Variants in MTO1 observed in about 807,000 individuals in gnomAD.
MTO1 encodes the protein mitochondrial tRNA translation optimization 1.
MTO1 carries 46 observed loss-of-function variants against 71.6 expected under a neutral mutation model. That is an observed-to-expected ratio of 0.64 (90% confidence interval 0.51 to 0.82). MTO1 has a LOEUF of 0.82. MTO1 is among the 40% of genes least tolerant of loss of function. MTO1 has a pLI of 0.00. For missense variants in MTO1, 773 were observed against 867.5 expected (o/e 0.89, Z 1.37); for synonymous variants, 297 against 312.1 (o/e 0.95, Z 0.51).
chr6:73,467,914 G>A (rs1250864083), intron 3 of MTO1, among the ~76,000 whole-genome samples: 4 of 151,960 alleles, frequency 2.6e-5, no homozygotes, highest in Non-Finnish European at 4.4e-5. Context: ...TGAGCCTCCC[G>A]GGTTCAAGCG....
rs780242649 is a variant in MTO1, at chr6:73,461,936, G to A, written c.82G>A (p.Asp28Asn). Residue 28 changes from aspartate to asparagine, a missense_variant, in exon 1 of 12, where the codon GAC (aspartate) becomes AAC (asparagine). Coordinates refer to ENST00000498286, the MANE Select transcript of MTO1 (RefSeq NM_012123.4). ...QQFPLARLSS[D>N]SAAPRTPHFD... ...ATTTCCGTTGGCACGGTTGAGCAGTGACAGCGCGGCGCCCCGGACTCCGCA... is the reference window on the plus strand; with the variant it reads ...ATTTCCGTTGGCACGGTTGAGCAGTAACAGCGCGGCGCCCCGGACTCCGCA... The A allele has an allele frequency of 2.5e-6, 4 of 1,614,144 alleles. No individual in the cohort carries two copies. The highest frequency in any genetic ancestry group is 2.7e-5 in the African/African-American group (2 of 74,958).
Position 73,503,555 on chromosome 6 carries a change from T to C in MTO1, c.*2820T>C, listed in dbSNP as rs906094705. ...GCCCTAGGAAGAAATCAGCTAAAAA[T>C]GTAACCTTACTCAATGTAGTTACTT... On this transcript the variant is annotated 3_prime_UTR_variant, in exon 12 of 12. Coordinates refer to ENST00000498286, the MANE Select transcript of MTO1 (RefSeq NM_012123.4). 2.0e-5 allele frequency: 3 copies of C among 152,248 alleles called. No homozygotes were observed. Among genetic ancestry groups the C allele is most frequent in the African/African-American group, 7.2e-5 (3 of 41,472 alleles). The allele number at this position is 152,248 out of a possible 1,614,324, so 9.4% of individuals were successfully genotyped here.
chr6:73,471,279 T>G (rs1032309104), intron 3 of MTO1, among the ~76,000 whole-genome samples: 4 of 151,922 alleles, frequency 2.6e-5, no homozygotes, highest in Admixed American at 6.6e-5. Flanking sequence ...TAATATAATA[T>G]GCTCACTGAC....
intron 4 of MTO1, among the ~76,000 whole-genome samples, chr6:73,477,431 T>C (rs1390830220): frequency 6.8e-6 from 1 of 146,532 alleles, no homozygotes; most frequent in Non-Finnish European, 1.5e-5. Context: ...TCGGAGAATT[T>C]AACACTGATA....
intron 3 of MTO1, chr6:73,471,380 G>T (rs1771158004): frequency 2.3e-6 from 1 of 427,732 alleles, no homozygotes; most frequent in East Asian, 7.8e-5. Flanking sequence ...TGGTTATATT[G>T]TTTTTATTAG....
chr6:73,464,696 G>A (rs1246780835), intron 1 of MTO1, among the ~76,000 whole-genome samples: 1 of 151,362 alleles, frequency 6.6e-6, no homozygotes, highest in Non-Finnish European at 1.5e-5. Flanking sequence ...TTAGCCAGGC[G>A]TGGTGGCGTA....
chr6:73,491,141 G>A (rs1334975920), intron 9 of MTO1, among the ~76,000 whole-genome samples: 1 of 152,060 alleles, frequency 6.6e-6, no homozygotes, highest in Non-Finnish European at 1.5e-5. Flanking sequence ...CTCTCCCAAG[G>A]AAAGGTAAGG....
In MTO1 at chr6:73,482,148, CTG is replaced by C; in HGVS notation, c.1370_1371del (p.Leu457ArgfsTer4). 1 of 1,614,188 alleles carries C rather than the reference CTG, an allele frequency of 6.2e-7. No individual in the cohort carries two copies. ...IGVLIDDLTT[L>X]GTSEPYRMFT... is the part of the protein sequence containing the mutation. Reference sequence around the variant, plus strand: ...AGTCTTGATTGATGACCTCACTACTCTGGGCACCAGTGAACCATACCGCATGT... The same window carrying C: ...AGTCTTGATTGATGACCTCACTACTCGGCACCAGTGAACCATACCGCATGT... On this transcript the variant is annotated frameshift_variant, in exon 8 of 12. Transcript: ENST00000498286. LOFTEE classifies it high-confidence loss of function.
At chr6:73,463,308 G>A (rs1770881976) in intron 1 of MTO1, among the ~76,000 whole-genome samples, 1 of 151,932 alleles carries the variant, frequency 6.6e-6, no homozygotes, top group Non-Finnish European at 1.5e-5. Flanking sequence ...TGGGATTACA[G>A]GCATGAGCCA....
rs73450685 is a variant in MTO1, at chr6:73,482,679, C to A, written c.1637+59C>A. 9,873 of 1,393,948 alleles carry A rather than the reference C, an allele frequency of 7.1e-3. 538 individuals are homozygous for A. The African/African-American group carries it at 0.12, about 17-fold the overall frequency. The allele number at this position is 1,393,948 out of a possible 1,614,324, so 86.3% of individuals were successfully genotyped here. On this transcript the variant is annotated intron_variant, in intron 9 of 11. Coordinates refer to ENST00000498286, the MANE Select transcript of MTO1 (RefSeq NM_012123.4). Reference sequence around the variant, plus strand: ...TTATAGAAAAATAAGATCATAAGATCATTTCATAGAGACATTACCTATGTG... The same window carrying A: ...TTATAGAAAAATAAGATCATAAGATAATTTCATAGAGACATTACCTATGTG...
At chr6:73,475,797 C>T (rs1771297821) in intron 4 of MTO1, among the ~76,000 whole-genome samples, 1 of 152,014 alleles carries the variant, frequency 6.6e-6, no homozygotes, top group African/African-American at 2.4e-5. Context: ...CAGGTGTGAG[C>T]CATCGCACCC....
At chr6:73,466,851 A>G (rs1336983791) in intron 3 of MTO1, among the ~76,000 whole-genome samples, 2 of 152,002 alleles carry the variant, frequency 1.3e-5, no homozygotes, top group Non-Finnish European at 2.9e-5. Flanking sequence ...TGTAATCTGC[A>G]TATTTATGTC....
rs1772157505 is a variant in MTO1 at position 73,501,503 on chromosome 6, G to A, written c.*768G>A. The stretch of plus-strand genomic sequence containing the variant: ...TCTTAATAATGAAGACAGGTCCATA[G>A]TAACTGGTGAGTGGTGTTTCCCTGT... On this transcript the variant is annotated 3_prime_UTR_variant, in exon 12 of 12. Transcript: ENST00000498286. 1 of 152,188 alleles carries A rather than the reference G, an allele frequency of 6.6e-6. No individual in the cohort carries two copies. The highest frequency in any genetic ancestry group is 1.5e-5 in the Non-Finnish European group (1 of 68,034). The allele number at this position is 152,188 out of a possible 1,614,324, so 9.4% of individuals were successfully genotyped here. A position where few individuals can be genotyped will look rare whatever the true frequency, so the allele number is the denominator to read the frequency against.
rs752617937 is a variant in MTO1 at position 73,473,443 on chromosome 6, T to C, written c.614T>C (p.Leu205Ser). Residue 205 changes from leucine (L) to serine (S), a missense_variant, in exon 4 of 12, where the codon TTG becomes TCG. By Grantham distance (145) the Leu-to-Ser change is moderately radical. Transcript: ENST00000498286. ...CTGAGAGGCATGATTGTAATTGGAT[T>C]GGAGACGCATCCAGCAGGACGTTTA... ...TFLRGMIVIG[L>S]ETHPAGRLGD... 4 of 1,614,066 alleles carry C rather than the reference T, an allele frequency of 2.5e-6. No homozygotes were observed. The highest frequency in any genetic ancestry group is 1.6e-4 in the Middle Eastern group (1 of 6,084).
chr6:73,481,001 AGTGTT>A, intron 7 of MTO1, 196 bp downstream of exon 7: 1 of 494,728 alleles, frequency 2.0e-6, no homozygotes, highest in Non-Finnish European at 3.3e-6. Context: ...TTTGAGACAG[AGTGTT>A]GCTCTGTTGC....
chr6:73,473,852 T>A (rs1771229327), intron 4 of MTO1, among the ~76,000 whole-genome samples, 198 bp downstream of exon 4: 1 of 150,486 alleles, frequency 6.6e-6, no homozygotes, highest in Non-Finnish European at 1.5e-5. Context: ...AGTGGTACAA[T>A]TATGGGTCAC....
chr6:73,476,195 C>G (rs1189750284), intron 4 of MTO1, among the ~76,000 whole-genome samples: 1 of 136,874 alleles, frequency 7.3e-6, no homozygotes, highest in Non-Finnish European at 1.6e-5. Context: ...AAACTCCATC[C>G]CTACTAAAAA....
At chr6:73,491,158 C>A (rs1400093650) in intron 9 of MTO1, among the ~76,000 whole-genome samples, 1 of 151,968 alleles carries the variant, frequency 6.6e-6, no homozygotes, top group Non-Finnish European at 1.5e-5. Flanking sequence ...AAGGCATTGG[C>A]CATGGAGGCT....
At chr6:73,497,993 T>C (rs1310681346) in intron 11 of MTO1, 97 bp downstream of exon 11, 1 of 1,074,456 alleles carries the variant, frequency 9.3e-7, no homozygotes, top group Admixed American at 2.7e-5. Context: ...ATAACTAATG[T>C]TTTATTTAGT....
Sources: allele counts gnomAD v4.1 joint callset (sites outside exome capture counted in the v4.1 genomes callset), GRCh38; gene constraint gnomAD v4.1.1; transcripts MANE v1.5; gene names NCBI Gene and HGNC (gene_info 2026-07-23, HGNC 2026-07-21).